The following SGCD variants were observed in gnomAD, a reference collection of about 807,000 sequenced individuals.
The protein encoded by SGCD is delta-sarcoglycan.
In SGCD, 18 loss-of-function variants were observed where a neutral mutation model predicts 36.6. The ratio of observed to expected loss-of-function variants is 0.49; its 90% CI spans 0.34 to 0.73. The LOEUF (loss-of-function observed/expected upper bound fraction) is 0.73, where lower values mean the gene tolerates loss of function less well. SGCD is among the 30% of genes least tolerant of loss of function. SGCD has a pLI of 0.01. For missense variants in SGCD, 387 were observed against 346.7 expected, an observed-to-expected ratio of 1.12 and a Z score of -0.92; for synonymous variants, 133 against 130.6, an observed-to-expected ratio of 1.02 and a Z score of -0.12.
At chr5:156,320,992 G>A (rs1767648594) in intron 3 of SGCD, among the ~76,000 whole-genome samples, 1 of 152,170 alleles carries the variant, frequency 6.6e-6, no homozygotes, top group African/African-American at 2.4e-5. Flanking sequence ...TCGTGCTACT[G>A]CCCTAATCAT....
chr5:156,162,046 A>C (rs111427704), intron 3 of SGCD, among the ~76,000 whole-genome samples: 55 of 145,616 alleles, frequency 3.8e-4, no homozygotes, highest in Middle Eastern at 6.9e-3. Context: ...TCCTTACCCT[A>C]GATTCTCTAG....
rs560171854 is a variant in SGCD, at chr5:156,264,496, G to A, written c.-43-65038G>A. Among the ~76,000 whole-genome samples, 3 of 152,148 alleles carry A rather than the reference G, an allele frequency of 2.0e-5. No individual in the cohort carries two copies. In the South Asian group the frequency reaches 6.2e-4, roughly 32 times the overall value. On this transcript the variant is annotated intron_variant, in intron 3 of 9. Transcript: ENST00000517913. ...ATTTTAGTTAATATCAAAGTCATTG[G>A]CATAAGATATTCCTGAGTTCAAATT...
At chr5:156,011,727 G>A (rs753555037) in intron 1 of SGCD, among the ~76,000 whole-genome samples, 12 of 152,048 alleles carry the variant, frequency 7.9e-5, no homozygotes, top group Non-Finnish European at 1.5e-4. Flanking sequence ...CGTGCGCCTC[G>A]GTGCCTGGCC....
chr5:156,580,374 T>A (rs1386152963), intron 4 of SGCD, among the ~76,000 whole-genome samples: 1 of 152,200 alleles, frequency 6.6e-6, no homozygotes, highest in African/African-American at 2.4e-5. Context: ...CCTTGGTGAG[T>A]CTGACAATTA....
chr5:155,822,215 T>C, the SGCD span, among the ~76,000 whole-genome samples: 30 of 152,192 alleles, frequency 2.0e-4, no homozygotes, highest in Non-Finnish European at 4.3e-4. Context: ...ACACATATTA[T>C]CAAAATAATT....
chr5:155,806,315 TG>T, the SGCD span, among the ~76,000 whole-genome samples: 1 of 152,026 alleles, frequency 6.6e-6, no homozygotes, highest in South Asian at 2.1e-4. Flanking sequence ...CCACCATGCC[TG>T]GCTAATTTTT....
intron 3 of SGCD, among the ~76,000 whole-genome samples, chr5:156,137,960 A>G (rs192303735): frequency 1.3e-5 from 2 of 152,190 alleles, no homozygotes; most frequent in Non-Finnish European, 2.9e-5. Flanking sequence ...CACATTTTAA[A>G]TGTGGGATCT....
chr5:155,879,970 C>T (rs968668754), intron 1 of SGCD, among the ~76,000 whole-genome samples: 3 of 152,032 alleles, frequency 2.0e-5, no homozygotes, highest in African/African-American at 7.3e-5. Context: ...TTCTGTGTTC[C>T]AGCTGAAGAA....
At chr5:155,856,254 A>T in the SGCD span, among the ~76,000 whole-genome samples, 1 of 152,196 alleles carries the variant, frequency 6.6e-6, no homozygotes, top group Non-Finnish European at 1.5e-5. Context: ...AGTTATAGTT[A>T]ATAAGCCAAC....
intron 1 of SGCD, among the ~76,000 whole-genome samples, chr5:156,049,154 T>C (rs186309808): frequency 0.016 from 2,387 of 146,360 alleles, 351 homozygotes; most frequent in Non-Finnish European, 0.028. Flanking sequence ...GCATTATTTC[T>C]GAGGGCTCTG....
chr5:156,005,482 G>A (rs1314516493), intron 1 of SGCD, among the ~76,000 whole-genome samples: 1 of 151,876 alleles, frequency 6.6e-6, no homozygotes, highest in African/African-American at 2.4e-5. Context: ...ATGGAGTCTC[G>A]CTCAGTCGCC....
At chr5:156,488,120 T>A (rs1223318199) in intron 3 of SGCD, among the ~76,000 whole-genome samples, 4 of 139,132 alleles carry the variant, frequency 2.9e-5, no homozygotes, top group African/African-American at 1.2e-4. Context: ...TTTTTTTTTT[T>A]TTTTAAATAA....
the SGCD span, among the ~76,000 whole-genome samples, chr5:155,742,695 G>C: frequency 3.3e-5 from 5 of 152,172 alleles, no homozygotes; most frequent in Admixed American, 6.5e-5. Flanking sequence ...ATACCAGATG[G>C]GTGTCCTATA....
chr5:156,533,159 G>T (rs12517691), intron 4 of SGCD, among the ~76,000 whole-genome samples: 18,543 of 152,076 alleles, frequency 0.12, 1,295 homozygotes, highest in Admixed American at 0.17. Flanking sequence ...TCTACCCATT[G>T]TGGTTTCTCT....
intron 3 of SGCD, among the ~76,000 whole-genome samples, chr5:156,244,125 C>A (rs1024396780): frequency 2.0e-5 from 3 of 152,136 alleles, no homozygotes; most frequent in African/African-American, 7.2e-5. Flanking sequence ...AAGAAGAGCA[C>A]AACATCACTT....
At chr5:156,696,640 G>A (rs39929) in intron 7 of SGCD, among the ~76,000 whole-genome samples, 116,788 of 151,726 alleles carry the variant, frequency 0.77, 45,971 homozygotes, top group Admixed American at 0.86. Flanking sequence ...CTCCTGAGTA[G>A]CTGGGATTAC....
chr5:156,416,051 C>T (rs1193006058), intron 3 of SGCD, among the ~76,000 whole-genome samples: 2 of 152,158 alleles, frequency 1.3e-5, no homozygotes, highest in Non-Finnish European at 2.9e-5. Flanking sequence ...ACAGTGAATT[C>T]TCTAATAATC....
At chr5:155,732,909 C>T in the SGCD span, among the ~76,000 whole-genome samples, 72 of 152,132 alleles carry the variant, frequency 4.7e-4, 1 homozygote, top group East Asian at 8.3e-3. Flanking sequence ...AAACTCCATG[C>T]GTGTTGCAGC....
At chr5:155,788,947 C>T in the SGCD span, among the ~76,000 whole-genome samples, 4 of 152,018 alleles carry the variant, frequency 2.6e-5, no homozygotes, top group African/African-American at 7.2e-5. Context: ...TCAAGGAATA[C>T]TAGGGTGATT....
Sources: gnomAD v4.1 joint callset for allele counts (sites outside exome capture counted in the v4.1 genomes callset) on GRCh38, gnomAD v4.1.1 for gene constraint, MANE v1.5 for transcripts, NCBI Gene and HGNC (gene_info 2026-07-23, HGNC 2026-07-21) for gene names.